GULP1: variants seen among roughly 807,000 people sequenced by gnomAD.
GULP1 encodes the protein PTB domain-containing engulfment adapter protein 1.
GULP1 carries 19 observed loss-of-function variants against 40.9 expected under a neutral mutation model. The ratio of observed to expected loss-of-function variants is 0.46; its 90% CI spans 0.32 to 0.68. GULP1 has a LOEUF of 0.68. Ranked by LOEUF, GULP1 falls within the 30% of genes least tolerant of loss-of-function variation. The pLI is 0.03. For synonymous variants in GULP1, 119 were observed against 117.6 expected (o/e 1.01, Z -0.08); for missense variants, 312 against 362.2 (o/e 0.86, Z 1.12).
intron 1 of GULP1, among the ~76,000 whole-genome samples, chr2:188,327,536 C>T (rs1029510030): frequency 6.6e-6 from 1 of 152,114 alleles, no homozygotes; most frequent in African/African-American, 2.4e-5. Flanking sequence ...TAATGGACCA[C>T]AGGCTTCAGG....
At chr2:188,307,217 TATG>T (rs1453478895) in intron 1 of GULP1, among the ~76,000 whole-genome samples, 1 of 152,162 alleles carries the variant, frequency 6.6e-6, no homozygotes, top group African/African-American at 2.4e-5. Context: ...GATTAACAAA[TATG>T]ATATTTTATG....
At chr2:188,554,772 A>C (rs769835908) in intron 7 of GULP1, among the ~76,000 whole-genome samples, 12 of 152,026 alleles carry the variant, frequency 7.9e-5, no homozygotes, top group Non-Finnish European at 1.5e-4. Flanking sequence ...ATTGCAGTCT[A>C]TCTCTTTAGA....
intron 9 of GULP1, among the ~76,000 whole-genome samples, chr2:188,572,118 C>A (rs902285928): frequency 6.6e-6 from 1 of 152,172 alleles, no homozygotes; most frequent in African/African-American, 2.4e-5. Context: ...ACTGAGTCAG[C>A]TTCAGAAATG....
intron 2 of GULP1, among the ~76,000 whole-genome samples, chr2:188,391,716 TC>T (rs879425082): frequency 2.0e-5 from 3 of 152,084 alleles, no homozygotes; most frequent in Non-Finnish European, 4.4e-5. Context: ...TTTAAACTCT[TC>T]CCCATTCAGT....
chr2:188,329,202 G>A (rs1269319099), intron 1 of GULP1, among the ~76,000 whole-genome samples: 1 of 151,676 alleles, frequency 6.6e-6, no homozygotes, highest in Non-Finnish European at 1.5e-5. Flanking sequence ...GGCTGGAGGA[G>A]GCAATAGCAC....
intron 1 of GULP1, among the ~76,000 whole-genome samples, chr2:188,362,237 G>A (rs1574726255): frequency 6.6e-6 from 1 of 151,934 alleles, no homozygotes; most frequent in African/African-American, 2.4e-5. Context: ...GATAAAATAA[G>A]GAATTATTTG....
intron 8 of GULP1, 140 bp downstream of exon 8, chr2:188,569,495 T>A (rs1216845729): frequency 4.5e-6 from 3 of 668,176 alleles, no homozygotes; most frequent in African/African-American, 1.9e-5. Flanking sequence ...CGTGTTCCCA[T>A]AATTTTTCGT....
intron 4 of GULP1, among the ~76,000 whole-genome samples, chr2:188,508,976 T>A (rs559748541): frequency 4.9e-4 from 74 of 152,128 alleles, no homozygotes; most frequent in African/African-American, 1.8e-3. Context: ...GCATTAAAAT[T>A]CATAGACCTA....
chr2:188,326,870 T>C (rs1442974696), intron 1 of GULP1, among the ~76,000 whole-genome samples: 1 of 151,882 alleles, frequency 6.6e-6, no homozygotes, highest in African/African-American at 2.4e-5. Flanking sequence ...CTCAGCACAG[T>C]TCTCCTGGAC....
At chr2:188,440,964 G>A (rs1438381783) in intron 2 of GULP1, among the ~76,000 whole-genome samples, 1 of 152,114 alleles carries the variant, frequency 6.6e-6, no homozygotes, top group Non-Finnish European at 1.5e-5. Context: ...AGGAATTGTA[G>A]GAGGAGAAGA....
At chr2:188,376,316 C>T (rs2048294546) in intron 1 of GULP1, among the ~76,000 whole-genome samples, 1 of 152,072 alleles carries the variant, frequency 6.6e-6, no homozygotes, top group Non-Finnish European at 1.5e-5. Context: ...TGCTTTAATG[C>T]CTTTGTATCA....
At chr2:188,440,831 A>C (rs75012817) in intron 2 of GULP1, among the ~76,000 whole-genome samples, 1 of 152,198 alleles carries the variant, frequency 6.6e-6, no homozygotes, top group Non-Finnish European at 1.5e-5. Context: ...GTAGAAAAAA[A>C]GATAAGATTC....
At chr2:188,299,134 G>C (rs2035630435) in intron 1 of GULP1, among the ~76,000 whole-genome samples, 1 of 151,880 alleles carries the variant, frequency 6.6e-6, no homozygotes, top group Admixed American at 6.6e-5. Context: ...GACGGTTACA[G>C]AGCAGGTGAC....
intron 1 of GULP1, among the ~76,000 whole-genome samples, chr2:188,321,728 C>T (rs2040008385): frequency 6.6e-6 from 1 of 151,644 alleles, no homozygotes; most frequent in Admixed American, 6.6e-5. Context: ...TAAAAGATTA[C>T]TCAGGTAGCC....
intron 11 of GULP1, chr2:188,592,964 C>G (rs1027851970): frequency 6.6e-6 from 1 of 151,928 alleles, no homozygotes; most frequent in African/African-American, 2.4e-5. Context: ...CATGGCCACT[C>G]CAAATTACAA....
At chr2:188,521,059 T>C (rs1232507901) in intron 4 of GULP1, among the ~76,000 whole-genome samples, 1 of 152,092 alleles carries the variant, frequency 6.6e-6, no homozygotes, top group East Asian at 1.9e-4. Context: ...AAACACGTAT[T>C]CTCCTATGTC....
At chr2:188,458,720 A>T (rs182548959) in intron 2 of GULP1, among the ~76,000 whole-genome samples, 2 of 152,194 alleles carry the variant, frequency 1.3e-5, no homozygotes, top group East Asian at 3.9e-4. Context: ...AATTAACTTA[A>T]ATTACTTTTG....
At chr2:188,368,901 A>G (rs1205225157) in intron 1 of GULP1, among the ~76,000 whole-genome samples, 6 of 136,644 alleles carry the variant, frequency 4.4e-5, no homozygotes, top group Admixed American at 1.5e-4. Flanking sequence ...AGAGTGTATT[A>G]ATAGATAGAA....
intron 7 of GULP1, among the ~76,000 whole-genome samples, chr2:188,561,596 G>A (rs1696292745): frequency 6.6e-6 from 1 of 152,158 alleles, no homozygotes; most frequent in Non-Finnish European, 1.5e-5. Flanking sequence ...TCTGTGCTGG[G>A]CAGGCTTGTG....
Sources: gnomAD v4.1 joint callset for allele counts (sites outside exome capture counted in the v4.1 genomes callset) on GRCh38, gnomAD v4.1.1 for gene constraint, MANE v1.5 for transcripts, NCBI Gene and HGNC (gene_info 2026-07-23, HGNC 2026-07-21) for gene names.